MAP2K1: variants seen among roughly 807,000 people sequenced by gnomAD.
MAP2K1 encodes the protein mitogen-activated protein kinase kinase 1.
In MAP2K1, 16 loss-of-function variants were observed where a neutral mutation model predicts 46.3. The ratio of observed to expected loss-of-function variants is 0.35; its 90% CI spans 0.23 to 0.52. The LOEUF (loss-of-function observed/expected upper bound fraction) is 0.52. Ranked by LOEUF, MAP2K1 falls within the 20% of genes least tolerant of loss-of-function variation. MAP2K1 has a pLI of 0.94. For missense variants in MAP2K1, 263 were observed against 497.1 expected (o/e 0.53, Z 4.48); for synonymous variants, 183 against 185.6 (o/e 0.99, Z 0.11).
chr15:66,418,099 A>G (rs2093428692), intron 1 of MAP2K1, among the ~76,000 whole-genome samples: 1 of 152,232 alleles, frequency 6.6e-6, no homozygotes. Context: ...ATAGGAGCTC[A>G]AAAGGCCCCG....
intron 1 of MAP2K1, among the ~76,000 whole-genome samples, chr15:66,392,254 GGTTTTTT>G (rs1333475331): frequency 4.9e-4 from 39 of 79,676 alleles, no homozygotes; most frequent in South Asian, 6.1e-4. Context: ...GTTTTTTTTG[GGTTTTTT>G]TTTTTTTTTT....
intron 1 of MAP2K1, among the ~76,000 whole-genome samples, chr15:66,390,756 A>G (rs755373922): frequency 4.6e-5 from 7 of 152,152 alleles, no homozygotes; most frequent in Non-Finnish European, 1.0e-4. Context: ...ATATTGGACT[A>G]TGAGACTGAG....
intron 1 of MAP2K1, among the ~76,000 whole-genome samples, chr15:66,405,009 A>C (rs573107421): frequency 4.8e-4 from 73 of 152,374 alleles, no homozygotes; most frequent in African/African-American, 1.7e-3. Flanking sequence ...GTATCCCTAG[A>C]GGACATCGCA....
chr15:66,472,934 G>A (rs973851100), intron 5 of MAP2K1, among the ~76,000 whole-genome samples: 1 of 152,110 alleles, frequency 6.6e-6, no homozygotes, highest in African/African-American at 2.4e-5. Context: ...ATCTTCTTTT[G>A]TCATTGTTTA....
chr15:66,425,954 A>C (rs2093457237), intron 1 of MAP2K1, among the ~76,000 whole-genome samples: 1 of 152,194 alleles, frequency 6.6e-6, no homozygotes, highest in East Asian at 1.9e-4. Context: ...TTTCTCTCAG[A>C]AGTTAGAATC....
chr15:66,446,035 C>A (rs909554930), intron 5 of MAP2K1, among the ~76,000 whole-genome samples: 1 of 151,948 alleles, frequency 6.6e-6, no homozygotes, highest in Admixed American at 6.6e-5. Context: ...ACCACCCTGG[C>A]CAACATGGTG....
chr15:66,412,114 T>C (rs2093412897), intron 1 of MAP2K1, among the ~76,000 whole-genome samples: 1 of 152,236 alleles, frequency 6.6e-6, no homozygotes. Flanking sequence ...GTAATGTGTA[T>C]GTGAAATGAA....
intron 1 of MAP2K1, among the ~76,000 whole-genome samples, chr15:66,425,863 C>T (rs567707646): frequency 1.3e-5 from 2 of 152,284 alleles, no homozygotes; most frequent in African/African-American, 4.8e-5. Context: ...AAGTAAGGTG[C>T]AACAATTAAG....
intron 1 of MAP2K1, among the ~76,000 whole-genome samples, chr15:66,430,837 C>T (rs569902589): frequency 6.6e-6 from 1 of 152,320 alleles, no homozygotes; most frequent in East Asian, 1.9e-4. Context: ...TGTTCTTGCC[C>T]ATAGGATTAT....
chr15:66,401,369 C>CT (rs954430955), intron 1 of MAP2K1, among the ~76,000 whole-genome samples: 84 of 151,418 alleles, frequency 5.5e-4, no homozygotes, highest in African/African-American at 2.0e-3. Context: ...AGCCTCAGAA[C>CT]TTTTTTTTTC....
At position 66,429,161 on chromosome 15, in the gene MAP2K1, A is replaced by G. The variant is rs185009684; in HGVS notation, c.81-5866A>G. ...ATAAAGAACTGCACAAGACTGGGTA[A>G]TTTATAAAGTAAAGAGGTTTAATTG... On this transcript the variant is annotated intron_variant, in intron 1 of 10. Coordinates refer to ENST00000307102, the MANE Select transcript of MAP2K1 (RefSeq NM_002755.4). Among the ~76,000 whole-genome samples, 317 of 152,258 alleles carry G rather than the reference A, an allele frequency of 2.1e-3. 6 individuals are homozygous for G. The highest frequency in any genetic ancestry group is 2.9e-4 in the Non-Finnish European group (20 of 68,028).
chr15:66,444,818 T>A, intron 5 of MAP2K1, 111 bp downstream of exon 5: 1 of 895,948 alleles, frequency 1.1e-6, no homozygotes, highest in East Asian at 2.4e-5. Context: ...TTTAATAACA[T>A]GTTAAATCTT....
intron 7 of MAP2K1, among the ~76,000 whole-genome samples, chr15:66,485,623 G>A (rs886115635): frequency 1.8e-4 from 28 of 151,932 alleles, no homozygotes; most frequent in African/African-American, 6.8e-4. Flanking sequence ...CTGTCACCCA[G>A]GCTGGAGTGC....
intron 4 of MAP2K1, among the ~76,000 whole-genome samples, chr15:66,444,343 G>A (rs111630099): frequency 7.3e-5 from 11 of 150,900 alleles, no homozygotes; most frequent in African/African-American, 2.7e-4. Flanking sequence ...AGACTAGCCC[G>A]ACAAACATGG....
Position 66,387,303 on chromosome 15 carries a change from T to A in MAP2K1, c.-45T>A. On this transcript the variant is annotated 5_prime_UTR_variant, in exon 1 of 11. Transcript: ENST00000307102. ...CAGCGCAGCGGGAGGAAGCGAGAGG[T>A]GCTGCCCTCCCCCCGGAGTTGGAAG... 2.0e-6 allele frequency: 3 copies of A among 1,482,632 alleles called. No individual in the cohort carries two copies. The highest frequency in any genetic ancestry group is 2.8e-6 in the Non-Finnish European group (3 of 1,086,734). 91.8% of individuals were successfully genotyped at this position (1,482,632 alleles called of 1,614,324 possible).
intron 3 of MAP2K1, among the ~76,000 whole-genome samples, chr15:66,441,267 G>GT (rs1316031400): frequency 6.6e-6 from 1 of 152,130 alleles, no homozygotes; most frequent in Non-Finnish European, 1.5e-5. Flanking sequence ...CACCTGGTTT[G>GT]TTTTTTCCTT....
intron 1 of MAP2K1, among the ~76,000 whole-genome samples, chr15:66,403,317 A>AC (rs2093387059): frequency 6.6e-6 from 1 of 152,092 alleles, no homozygotes; most frequent in African/African-American, 2.4e-5. Context: ...AGAAAAGGTT[A>AC]CCCCTCTATA....
At chr15:66,457,269 C>A (rs946613990) in intron 5 of MAP2K1, among the ~76,000 whole-genome samples, 3 of 152,186 alleles carry the variant, frequency 2.0e-5, no homozygotes, top group African/African-American at 7.2e-5. Flanking sequence ...CAGGCATGTG[C>A]CACTACGCCT....
At chr15:66,469,163 G>A (rs952714424) in intron 5 of MAP2K1, among the ~76,000 whole-genome samples, 6 of 151,846 alleles carry the variant, frequency 4.0e-5, no homozygotes, top group African/African-American at 7.3e-5. Flanking sequence ...GGCTGAGGCA[G>A]GAGAATCGCT....
Sources: gnomAD v4.1 joint callset for allele counts (sites outside exome capture counted in the v4.1 genomes callset) on GRCh38, gnomAD v4.1.1 for gene constraint, MANE v1.5 for transcripts, NCBI Gene and HGNC (gene_info 2026-07-23, HGNC 2026-07-21) for gene names.